The following AGAP1 variants were observed in gnomAD, a reference collection of about 807,000 sequenced individuals.
The protein encoded by AGAP1 is ArfGAP with GTPase domain, ankyrin repeat and PH domain 1.
In AGAP1, 29 loss-of-function variants were observed where a neutral mutation model predicts 105.3. The ratio of observed to expected loss-of-function variants is 0.28; its 90% CI spans 0.21 to 0.38. The LOEUF (loss-of-function observed/expected upper bound fraction) is 0.38. AGAP1 is among the 10% of genes least tolerant of loss of function. The pLI, the probability that AGAP1 is intolerant of heterozygous loss-of-function variation, is 1.00. For synonymous variants in AGAP1, 509 were observed against 485.9 expected (o/e 1.05, Z -0.63); for missense variants, 998 against 1,165.1 (o/e 0.86, Z 2.09).
At position 235,658,509 on chromosome 2, in the gene AGAP1, C is replaced by T. The variant is rs539666474; in HGVS notation, c.164-50670C>T. 2.0e-5 allele frequency among the ~76,000 whole-genome samples: 3 copies of T among 152,218 alleles called. No individual in the cohort carries two copies. The South Asian group carries it at 6.3e-4, about 32-fold the overall frequency. Reference sequence around the variant, plus strand: ...GACTTTCCTGCAGCCTCCCGGGGGTCGAGGTCAAGAGTCTGGGAGGAGGTG... The same window carrying T: ...GACTTTCCTGCAGCCTCCCGGGGGTTGAGGTCAAGAGTCTGGGAGGAGGTG... On this transcript the variant is annotated intron_variant, in intron 1 of 17. Transcript: ENST00000304032.
At position 235,709,186 on chromosome 2, in the gene AGAP1, C is replaced by T. The variant is rs141190791; in HGVS notation, c.171C>T (p.Phe57=). The stretch of plus-strand genomic sequence containing the variant: ...TGTCCTCCTCTTTTTCAGATGCCTT[C>T]GTGAACAGCCAGGAATGGACGCTGA... ...REHVIAIEDA[F]VNSQEWTLSR... is the part of the protein sequence containing the mutation. Residue 57 remains phenylalanine, a synonymous_variant, in exon 2 of 18, where the codon TTC becomes TTT. Coordinates refer to ENST00000304032, the MANE Select transcript of AGAP1 (RefSeq NM_001037131.3). The T allele has an allele frequency of 2.1e-4, 341 of 1,614,060 alleles. No homozygotes were observed. Among genetic ancestry groups the T allele is most frequent in the Middle Eastern group, 8.2e-4 (5 of 6,062 alleles).
rs953812975 is a variant in AGAP1, at chr2:235,725,285, T to G, written c.310+7641T>G. ...ATGTGTTCTCAGGAGCACGTGTATC[T>G]TAAATATGTTTTAACGAATGTTTAC... On this transcript the variant is annotated intron_variant, in intron 3 of 17. Transcript: ENST00000304032. The surrounding 1 kb of genome is among the most constrained non-coding windows in gnomAD (Gnocchi z 5.7). Among the ~76,000 whole-genome samples, 2 of 152,222 alleles carry G rather than the reference T, an allele frequency of 1.3e-5. No individual in the cohort carries two copies. The highest frequency in any genetic ancestry group is 2.9e-5 in the Non-Finnish European group (2 of 68,038).
intron 9 of AGAP1, among the ~76,000 whole-genome samples, chr2:235,850,572 G>A (rs1203899467): frequency 6.6e-6 from 1 of 152,204 alleles, no homozygotes; most frequent in African/African-American, 2.4e-5. Context: ...GGGAAATGAG[G>A]GTGCGGTGTT....
At position 235,728,110 on chromosome 2, in the gene AGAP1, T is replaced by C. The variant is rs139306336; in HGVS notation, c.310+10466T>C. 2.3e-3 allele frequency among the ~76,000 whole-genome samples: 352 copies of C among 152,228 alleles called. 4 individuals carry two copies. Among genetic ancestry groups the C allele is most frequent in the East Asian group, 0.02 (105 of 5,168 alleles). ...GTGCCACTTCTCTGCCCATGGCAAA[T>C]TCCAAGGGCCAGGACGATGGAGACA... On this transcript the variant is annotated intron_variant, in intron 3 of 17. Coordinates refer to ENST00000304032, the MANE Select transcript of AGAP1 (RefSeq NM_001037131.3). The surrounding 1 kb of genome is among the most constrained non-coding windows in gnomAD (Gnocchi z 4.3).
chr2:235,717,729 T>A, intron 3 of AGAP1, 85 bp downstream of exon 3: 1 of 1,133,478 alleles, frequency 8.8e-7, no homozygotes, highest in African/African-American at 1.6e-5. Context: ...ATGACTTTGA[T>A]GTATCACAGG....
intron 1 of AGAP1, among the ~76,000 whole-genome samples, chr2:235,525,232 C>A (rs1378718924): frequency 1.3e-5 from 2 of 152,110 alleles, no homozygotes; most frequent in African/African-American, 2.4e-5. Flanking sequence ...AAAAAGAGGA[C>A]TGATTTATAA....
chr2:235,941,141 G>A (rs1009141393), intron 12 of AGAP1, among the ~76,000 whole-genome samples: 2 of 152,214 alleles, frequency 1.3e-5, no homozygotes, highest in Non-Finnish European at 2.9e-5. Context: ...GTTGGTCACA[G>A]TGTATACAGT....
intron 8 of AGAP1, among the ~76,000 whole-genome samples, chr2:235,802,828 G>A (rs1233187729): frequency 7.4e-6 from 1 of 135,774 alleles, no homozygotes; most frequent in African/African-American, 2.6e-5. Context: ...TGTTGTGGTT[G>A]TGATGATGGT....
rs2059602098 is a variant in AGAP1, at chr2:236,109,967, G to T, written c.2115-10225G>T. Among the ~76,000 whole-genome samples, 1 of 152,138 alleles carries T rather than the reference G, an allele frequency of 6.6e-6. No individual in the cohort carries two copies. The highest frequency in any genetic ancestry group is 2.4e-5 in the African/African-American group (1 of 41,438). The stretch of plus-strand genomic sequence containing the variant: ...GAAAATGATGCTGTGGATCCACCTA[G>T]ACTCTCAAAGCCCAGAGAGTCTGGT... On this transcript the variant is annotated intron_variant, in intron 16 of 17. Transcript: ENST00000304032. The surrounding 1 kb of genome is among the most constrained non-coding windows in gnomAD (Gnocchi z 5.4).
intron 16 of AGAP1, among the ~76,000 whole-genome samples, chr2:236,063,320 C>T (rs1050741397): frequency 6.6e-6 from 1 of 151,954 alleles, no homozygotes; most frequent in Non-Finnish European, 1.5e-5. Flanking sequence ...GAACTTCTGA[C>T]CCCCAAGTGA....
chr2:235,709,602 A>ACC lies in AGAP1; in HGVS notation c.222+369_222+370dup, dbSNP rs1390003521. On this transcript the variant is annotated intron_variant, in intron 2 of 17. Transcript: ENST00000304032. ...GTCACGGAAGGCTCCACACACACAC[A>ACC]CCCCCATGGATTGATTTGTTCTTTG... Among the ~76,000 whole-genome samples, 12 of 151,032 alleles carry ACC rather than the reference A, an allele frequency of 7.9e-5. No individual in the cohort carries two copies. The East Asian group carries it at 9.8e-4, about 12-fold the overall frequency.
chr2:235,897,842 T>C (rs1029586212), intron 10 of AGAP1, among the ~76,000 whole-genome samples: 2 of 152,172 alleles, frequency 1.3e-5, no homozygotes, highest in African/African-American at 4.8e-5. Flanking sequence ...ATAACCTGAT[T>C]GCGGGCTTGT....
intron 1 of AGAP1, among the ~76,000 whole-genome samples, chr2:235,536,655 A>T (rs1223948533): frequency 6.6e-6 from 1 of 150,536 alleles, no homozygotes; most frequent in Non-Finnish European, 1.5e-5. Context: ...ACACACACAC[A>T]CACACACACA....
rs964663309 is a variant in AGAP1, at chr2:235,714,077, A to G, written c.223-3480A>G. Among the ~76,000 whole-genome samples the G allele has an allele frequency of 6.6e-6, 1 of 152,034 alleles. No individual in the cohort carries two copies. Among genetic ancestry groups the G allele is most frequent in the Non-Finnish European group, 1.5e-5 (1 of 67,990 alleles). On this transcript the variant is annotated intron_variant, in intron 2 of 17. Transcript: ENST00000304032. This position sits in a 1 kb window ranked among gnomAD's most constrained non-coding sequence, Gnocchi z 4.1. ...CGCCCAGGCTGGAGTGCGGTGGTGC[A>G]ATCTCAGCTCACTGCAACCTCTGCC...
intron 13 of AGAP1, among the ~76,000 whole-genome samples, chr2:235,972,577 C>G (rs1362913974): frequency 1.3e-5 from 2 of 152,200 alleles, no homozygotes; most frequent in Admixed American, 6.5e-5. Flanking sequence ...AAGAAAGAGA[C>G]CTGTCCGGCT....
Position 235,739,342 on chromosome 2 carries a change from A to G in AGAP1, c.311-1621A>G, listed in dbSNP as rs961446848. Among the ~76,000 whole-genome samples, 11 of 152,210 alleles carry G rather than the reference A, an allele frequency of 7.2e-5. No homozygotes were observed. The highest frequency in any genetic ancestry group is 1.7e-4 in the African/African-American group (7 of 41,454). ...ATGACAACAGCTCTGCTAGAAAAGCATTTCTTTTTTGCCTACGAGGACTCT... is the reference window on the plus strand; with the variant it reads ...ATGACAACAGCTCTGCTAGAAAAGCGTTTCTTTTTTGCCTACGAGGACTCT... On this transcript the variant is annotated intron_variant, in intron 3 of 17. Coordinates refer to ENST00000304032, the MANE Select transcript of AGAP1 (RefSeq NM_001037131.3). This position sits in a 1 kb window ranked among gnomAD's most constrained non-coding sequence, Gnocchi z 5.3.
At position 236,049,516 on chromosome 2, in the gene AGAP1, C is replaced by G. The variant is rs188276197; in HGVS notation, c.2114+235C>G. On this transcript the variant is annotated intron_variant, in intron 16 of 17. Transcript: ENST00000304032. The stretch of plus-strand genomic sequence containing the variant: ...TTTAGGCCTGGGGATTTCTCTCCCC[C>G]CTCTTAGAAATGTATTAAGCTTCTA... The G allele has an allele frequency of 7.9e-3, 3,614 of 456,870 alleles. 94 individuals carry two copies. The highest frequency in any genetic ancestry group is 0.062 in the African/African-American group (3,221 of 51,736). 28.3% of individuals were successfully genotyped at this position (456,870 alleles called of 1,614,324 possible). A position where few individuals can be genotyped will look rare whatever the true frequency, so the allele number is the denominator to read the frequency against.
chr2:236,042,269 C>T lies in AGAP1; in HGVS notation c.1891+1428C>T, dbSNP rs1024251306. ...TGCTCCAGACAAAAGGGAAAGGAAG[C>T]GCCCCCTCCAAGAGTCCACTCAGCA... On this transcript the variant is annotated intron_variant, in intron 15 of 17. Transcript: ENST00000304032. This position sits in a 1 kb window ranked among gnomAD's most constrained non-coding sequence, Gnocchi z 5.6. Among the ~76,000 whole-genome samples the T allele has an allele frequency of 2.6e-5, 4 of 152,056 alleles. No homozygotes were observed. Among genetic ancestry groups the T allele is most frequent in the Non-Finnish European group, 4.4e-5 (3 of 68,004 alleles).
rs2058019285 is a variant in AGAP1, at chr2:236,055,206, G to T, written c.2114+5925G>T. Among the ~76,000 whole-genome samples, 1 of 152,196 alleles carries T rather than the reference G, an allele frequency of 6.6e-6. No individual in the cohort carries two copies. Among genetic ancestry groups the T allele is most frequent in the South Asian group, 2.1e-4 (1 of 4,826 alleles). On this transcript the variant is annotated intron_variant, in intron 16 of 17. Transcript: ENST00000304032. The surrounding 1 kb of genome is among the most constrained non-coding windows in gnomAD (Gnocchi z 6.2). ...TCAGGGAGCTGGGGGCTCGTTTGGA[G>T]TTTTAATCAGCCTGTCTTCTACTCC...
Sources: allele counts gnomAD v4.1 joint callset (sites outside exome capture counted in the v4.1 genomes callset), GRCh38; gene constraint gnomAD v4.1.1; non-coding constraint Gnocchi (gnomAD v3.1); transcripts MANE v1.5; gene names NCBI Gene and HGNC (gene_info 2026-07-23, HGNC 2026-07-21).